KBTBD11: variants seen among roughly 807,000 people sequenced by gnomAD.
The protein encoded by KBTBD11 is kelch repeat and BTB domain containing 11, also known as kelch repeat and BTB domain-containing protein 11.
For synonymous variants in KBTBD11, 747 were observed against 499.0 expected (o/e 1.50, Z -6.63); for missense variants, 1,390 against 1,001.8 (o/e 1.39, Z -5.23).
intron 1 of KBTBD11, among the ~76,000 whole-genome samples, chr8:1,995,007 C>T (rs1402165357): frequency 2.1e-5 from 3 of 145,280 alleles, no homozygotes; most frequent in East Asian, 2.0e-4. Flanking sequence ...TGCAGTGAGC[C>T]GAGATGGTGC....
In KBTBD11 at chr8:2,002,671, CGACATGGTGGCTCTCGA is replaced by C; in HGVS notation, c.1480_1496del (p.Asp494ArgfsTer114). 4 of 1,570,224 alleles carry C rather than the reference CGACATGGTGGCTCTCGA, an allele frequency of 2.5e-6. No individual in the cohort carries two copies. Among genetic ancestry groups the C allele is most frequent in the Non-Finnish European group, 3.4e-6 (4 of 1,167,102 alleles). On this transcript the variant is annotated frameshift_variant, in exon 2 of 2. Coordinates refer to ENST00000320248, the MANE Select transcript of KBTBD11 (RefSeq NM_014867.3). LOFTEE classifies it low-confidence loss of function (END_TRUNC). The surrounding 1 kb of genome is among the most constrained non-coding windows in gnomAD (Gnocchi z 4.1). The stretch of plus-strand genomic sequence containing the variant: ...GCAGCAGCAGCCGCGAGCGCTCGGC[CGACATGGTGGCTCTCGA>C]CGGCTTCATCTACCGCTTCGATCTG...
In KBTBD11 at chr8:2,002,789, C is replaced by T; in HGVS notation, c.1597C>T (p.Gln533Ter). ...GTCCCGATACCACTGCCTGGCCAAG[C>T]AGTGGAGCCCGTGCGTCGCGCCCCT... ...SVSRYHCLAKQWSPCVAPLRL... is the reference protein window; with the variant it reads ...SVSRYHCLAK Residue 533 changes from glutamine to a stop codon, truncating the protein, a stop_gained, in exon 2 of 2, where the codon CAG becomes TAG. Transcript: ENST00000320248. LOFTEE classifies it low-confidence loss of function (END_TRUNC). The surrounding 1 kb of genome is among the most constrained non-coding windows in gnomAD (Gnocchi z 4.1). The T allele has an allele frequency of 6.9e-7, 1 of 1,457,140 alleles. No homozygotes were observed. Among genetic ancestry groups the T allele is most frequent in the East Asian group, 2.9e-5 (1 of 34,714 alleles). The allele number at this position is 1,457,140 out of a possible 1,614,324, so 90.3% of individuals were successfully genotyped here. A position where few individuals can be genotyped will look rare whatever the true frequency, so the allele number is the denominator to read the frequency against.
intron 1 of KBTBD11, among the ~76,000 whole-genome samples, chr8:1,986,482 G>T (rs560435832): frequency 1.3e-5 from 2 of 152,320 alleles, no homozygotes; most frequent in East Asian, 1.9e-4. Context: ...TAACTTGTTT[G>T]TAATCTTGGA....
chr8:1,974,319 C>T (rs1177849562), intron 1 of KBTBD11: 1 of 984,606 alleles, frequency 1.0e-6, no homozygotes, highest in South Asian at 4.7e-5. Context: ...CCGCCCGCGC[C>T]GCGCCCGCAG....
chr8:2,003,050 C>T lies in KBTBD11; in HGVS notation c.1858C>T (p.Gln620Ter). ...SLPEKPPRGEQGAP is the reference protein window; with the variant it reads ...SLPEKPPRGE The stretch of plus-strand genomic sequence containing the variant: ...GCCTGAGAAGCCGCCCCGAGGGGAG[C>T]AGGGCGCCCCGTAGGCCGGCGGGGT... Residue 620 changes from glutamine (Q) to a stop codon, truncating the protein, a stop_gained, in exon 2 of 2, where the codon CAG (glutamine) becomes TAG (stop). Transcript: ENST00000320248. LOFTEE classifies it high-confidence loss of function. 7.9e-7 allele frequency: 1 copy of T among 1,266,434 alleles called. No individual in the cohort carries two copies. Among genetic ancestry groups the T allele is most frequent in the Non-Finnish European group, 1.0e-6 (1 of 1,003,614 alleles). 78.4% of individuals were successfully genotyped at this position (1,266,434 alleles called of 1,614,324 possible).
At chr8:1,981,172 A>G (rs1004934210) in intron 1 of KBTBD11, among the ~76,000 whole-genome samples, 1 of 152,222 alleles carries the variant, frequency 6.6e-6, no homozygotes, top group Non-Finnish European at 1.5e-5. Context: ...TTGCCAACCA[A>G]GATTTCTGTA....
chr8:1,998,274 GCA>G (rs1264700190), intron 1 of KBTBD11, among the ~76,000 whole-genome samples: 4 of 152,196 alleles, frequency 2.6e-5, no homozygotes, highest in African/African-American at 9.7e-5. Context: ...CTCCTTGTTG[GCA>G]CAGCAGAGAT....
intron 1 of KBTBD11, among the ~76,000 whole-genome samples, chr8:1,992,915 G>C (rs552968466): frequency 1.1e-4 from 16 of 151,778 alleles, no homozygotes; most frequent in Non-Finnish European, 2.1e-4. Context: ...TCTTTGTGTA[G>C]TTTAAAAACT....
rs925856992 is a variant in KBTBD11 at position 2,001,038 on chromosome 8, C to T, written c.-155C>T. On this transcript the variant is annotated 5_prime_UTR_variant, in exon 2 of 2. Transcript: ENST00000320248. ...AGCGTGTGAGATTCCCCCCTTCACA[C>T]ACACAACAACAAAGCGTGGACACAC... The T allele has an allele frequency of 9.7e-7, 1 of 1,033,578 alleles. No individual in the cohort carries two copies. Among genetic ancestry groups the T allele is most frequent in the Non-Finnish European group, 1.2e-6 (1 of 815,718 alleles). The allele number at this position is 1,033,578 out of a possible 1,614,324, so 64.0% of individuals were successfully genotyped here.
Position 2,001,048 on chromosome 8 carries a change from C to G in KBTBD11, c.-145C>G, listed in dbSNP as rs1050231551. On this transcript the variant is annotated 5_prime_UTR_variant, in exon 2 of 2. Transcript: ENST00000320248. ...ATTCCCCCCTTCACACACACAACAA[C>G]AAAGCGTGGACACACAGAAGTGAAA... 93 of 977,518 alleles carry G rather than the reference C, an allele frequency of 9.5e-5. No homozygotes were observed. Among genetic ancestry groups the G allele is most frequent in the Non-Finnish European group, 1.1e-4 (86 of 752,948 alleles). 60.6% of individuals were successfully genotyped at this position (977,518 alleles called of 1,614,324 possible).
chr8:1,974,417 G>A, intron 1 of KBTBD11: 1 of 984,836 alleles, frequency 1.0e-6, no homozygotes, highest in Non-Finnish European at 1.2e-6. Context: ...CCAGGGCGGG[G>A]GCTCCTCCCG....
At position 2,002,125 on chromosome 8, in the gene KBTBD11, G is replaced by T. The variant is rs1372106605; in HGVS notation, c.933G>T (p.Arg311=). The T allele has an allele frequency of 6.2e-6, 7 of 1,123,862 alleles. No homozygotes were observed. Among genetic ancestry groups the T allele is most frequent in the Non-Finnish European group, 6.5e-6 (6 of 921,312 alleles). 69.6% of individuals were successfully genotyped at this position (1,123,862 alleles called of 1,614,324 possible). Residue 311 remains arginine, a synonymous_variant, in exon 2 of 2, where the codon CGG becomes CGT. Coordinates refer to ENST00000320248, the MANE Select transcript of KBTBD11 (RefSeq NM_014867.3). The surrounding 1 kb of genome is among the most constrained non-coding windows in gnomAD (Gnocchi z 4.1). The part of the protein sequence containing the change: ...LGPAGERAGS[R]PQSPSGDADA... ...CGGCGGGGGAGCGCGCGGGCAGCCGGCCTCAGAGCCCCTCGGGGGACGCGG... is the reference window on the plus strand; with the variant it reads ...CGGCGGGGGAGCGCGCGGGCAGCCGTCCTCAGAGCCCCTCGGGGGACGCGG...
chr8:1,978,654 C>T (rs1259253093), intron 1 of KBTBD11, among the ~76,000 whole-genome samples: 2 of 152,164 alleles, frequency 1.3e-5, no homozygotes, highest in South Asian at 2.1e-4. Context: ...CCCTGGCCTG[C>T]CACGTAGAAG....
In KBTBD11 at chr8:1,998,515, A is replaced by C. The variant is rs188438213; in HGVS notation, c.-908-1770A>C. ...TCCCTTCAGTCTGTAATGATTAATT[A>C]CATAAAGATGACTCTCGGGATGGAG... On this transcript the variant is annotated intron_variant, in intron 1 of 1. Coordinates refer to ENST00000320248, the MANE Select transcript of KBTBD11 (RefSeq NM_014867.3). Among the ~76,000 whole-genome samples, 616 of 152,348 alleles carry C rather than the reference A, an allele frequency of 4.0e-3. 17 individuals carry two copies. The highest frequency in any genetic ancestry group is 1.2e-3 in the Non-Finnish European group (83 of 68,034).
At position 2,002,627 on chromosome 8, in the gene KBTBD11, G is replaced by A; in HGVS notation, c.1435G>A (p.Glu479Lys). The change falls in exon 2 of 2, where the codon GAG (glutamate) becomes AAG (lysine). Residue 479 changes from glutamate (E) to lysine (K), a missense_variant. Physicochemically the swap from Glu to Lys is moderately conservative, Grantham distance 56 (BLOSUM62 1). Transcript: ENST00000320248. The surrounding 1 kb of genome is among the most constrained non-coding windows in gnomAD (Gnocchi z 4.1). ...RLLKYDPRRD[E>K]WQECPCSSSR... ...GCTCAAGTATGACCCGCGGCGCGAC[G>A]AGTGGCAGGAGTGCCCGTGCAGCAG... The A allele has an allele frequency of 6.3e-7, 1 of 1,580,588 alleles. No individual in the cohort carries two copies. The highest frequency in any genetic ancestry group is 8.5e-7 in the Non-Finnish European group (1 of 1,172,342).
chr8:1,981,411 G>T (rs988977361), intron 1 of KBTBD11, among the ~76,000 whole-genome samples: 3 of 152,188 alleles, frequency 2.0e-5, no homozygotes, highest in Admixed American at 6.5e-5. Context: ...ACACTGTAAC[G>T]ATGGTATGTA....
chr8:1,984,892 T>C (rs1816661156), intron 1 of KBTBD11, among the ~76,000 whole-genome samples: 1 of 152,208 alleles, frequency 6.6e-6, no homozygotes, highest in East Asian at 1.9e-4. Context: ...TCTCGGCTGT[T>C]ATCTGAAAGG....
chr8:1,976,862 C>T (rs1816364018), intron 1 of KBTBD11, among the ~76,000 whole-genome samples: 1 of 152,062 alleles, frequency 6.6e-6, no homozygotes. Context: ...TGTGCAAAGG[C>T]CCTGTGGTGA....
chr8:1,974,761 C>G, intron 1 of KBTBD11: 1 of 941,356 alleles, frequency 1.1e-6, no homozygotes, highest in Non-Finnish European at 1.3e-6. Flanking sequence ...AGAGGGTGAA[C>G]CAAAGTCCCT....
Sources: gnomAD v4.1 joint callset for allele counts (sites outside exome capture counted in the v4.1 genomes callset) on GRCh38, gnomAD v4.1.1 for gene constraint, Gnocchi (gnomAD v3.1) non-coding constraint, MANE v1.5 for transcripts, NCBI Gene and HGNC (gene_info 2026-07-23, HGNC 2026-07-21) for gene names.